CSMD1: variants seen among roughly 807,000 people sequenced by gnomAD.
CSMD1 encodes the protein CUB and sushi domain-containing protein 1.
Under a neutral mutation model 417.5 loss-of-function variants are expected in CSMD1, and 213 were observed. The ratio of observed to expected loss-of-function variants is 0.51; its 90% CI spans 0.46 to 0.57. The LOEUF (loss-of-function observed/expected upper bound fraction) is 0.57, where lower values mean the gene tolerates loss of function less well. Ranked by LOEUF, CSMD1 falls within the 20% of genes least tolerant of loss-of-function variation. CSMD1 has a pLI of 0.00. For missense variants in CSMD1, 6,923 were observed against 4,529.7 expected, an observed-to-expected ratio of 1.53 and a Z score of -15.17; for synonymous variants, 2,862 against 1,736.8, an observed-to-expected ratio of 1.65 and a Z score of -16.11.
At chr8:4,222,353 TTATTC>T (rs1801082326) in intron 3 of CSMD1, among the ~76,000 whole-genome samples, 1 of 28 alleles carries the variant, frequency 0.036, no homozygotes, top group East Asian at 0.5. Context: ...TGCCTCAGTC[TTATTC>T]TGTAAACAGA....
At chr8:3,947,816 T>G (rs944948016) in intron 5 of CSMD1, among the ~76,000 whole-genome samples, 4 of 152,174 alleles carry the variant, frequency 2.6e-5, no homozygotes, top group Non-Finnish European at 4.4e-5. Flanking sequence ...TTTCATATGG[T>G]TCAAGTAGGT....
chr8:2,939,613 C>T (rs1460011763), intron 69 of CSMD1, among the ~76,000 whole-genome samples: 1 of 152,124 alleles, frequency 6.6e-6, no homozygotes, highest in East Asian at 1.9e-4. Flanking sequence ...ATTTAATGTA[C>T]ATAAGCACGC....
Position 3,265,063 on chromosome 8 carries a change from A to C in CSMD1, c.4153+19081T>G, listed in dbSNP as rs188178507. ...GCATCTTTAGGGCACTTCAGAAGGCAATTCAACACAAATCTGTTGAATAGC... is the reference window on the plus strand; with the variant it reads ...GCATCTTTAGGGCACTTCAGAAGGCCATTCAACACAAATCTGTTGAATAGC... On this transcript the variant is annotated intron_variant, in intron 26 of 69. Transcript: ENST00000635120. 2.6e-3 allele frequency among the ~76,000 whole-genome samples: 395 copies of C among 152,344 alleles called. 1 individual carries two copies. Among genetic ancestry groups the C allele is most frequent in the African/African-American group, 8.5e-3 (355 of 41,588 alleles).
At chr8:3,029,283 G>A (rs377424176) in intron 51 of CSMD1, 36 bp downstream of exon 51, 6 of 1,546,832 alleles carry the variant, frequency 3.9e-6, no homozygotes, top group South Asian at 1.2e-5. Flanking sequence ...AATCTAGGAT[G>A]CCGTGACTTT....
intron 1 of CSMD1, among the ~76,000 whole-genome samples, chr8:4,722,102 A>G (rs989323915): frequency 6.6e-6 from 1 of 152,130 alleles, no homozygotes; most frequent in Non-Finnish European, 1.5e-5. Context: ...ATAGCATGAA[A>G]ACTATAGGTA....
intron 3 of CSMD1, among the ~76,000 whole-genome samples, chr8:4,238,864 A>G (rs1802222514): frequency 6.6e-6 from 1 of 152,168 alleles, no homozygotes; most frequent in Admixed American, 6.5e-5. Context: ...AATCGATAGC[A>G]AATGCAATTT....
intron 1 of CSMD1, among the ~76,000 whole-genome samples, chr8:4,934,010 A>T (rs1356233930): frequency 4.6e-5 from 7 of 151,864 alleles, no homozygotes; most frequent in African/African-American, 1.7e-4. Flanking sequence ...TTTTTTTTAA[A>T]AAAAAATGAA....
chr8:4,117,492 A>G (rs900647908), intron 3 of CSMD1, among the ~76,000 whole-genome samples: 2 of 152,224 alleles, frequency 1.3e-5, no homozygotes, highest in Non-Finnish European at 1.5e-5. Context: ...TCAATGTGCT[A>G]TAAATCATCT....
At position 3,628,487 on chromosome 8, in the gene CSMD1, G is replaced by C. The variant is rs76403416; in HGVS notation, c.1010-11690C>G. 2.8e-3 allele frequency among the ~76,000 whole-genome samples: 424 copies of C among 152,314 alleles called. 17 individuals are homozygous for C. The East Asian group carries it at 0.077, about 28-fold the overall frequency. On this transcript the variant is annotated intron_variant, in intron 7 of 69. Coordinates refer to ENST00000635120, the MANE Select transcript of CSMD1 (RefSeq NM_033225.6). The stretch of plus-strand genomic sequence containing the variant: ...AAAAAATCCTTAAGGATTACTTCTT[G>C]GAGAACTTTAGCTATGATGCACACA...
chr8:3,988,888 A>G (rs1283545756), intron 5 of CSMD1, among the ~76,000 whole-genome samples: 1 of 152,208 alleles, frequency 6.6e-6, no homozygotes, highest in Non-Finnish European at 1.5e-5. Context: ...ACAATTCATA[A>G]CCAAAGTAAG....
At chr8:4,141,473 C>A (rs1320051010) in intron 3 of CSMD1, among the ~76,000 whole-genome samples, 1 of 151,144 alleles carries the variant, frequency 6.6e-6, no homozygotes, top group Non-Finnish European at 1.5e-5. Context: ...CTTTTGTATA[C>A]AATATGCCAT....
intron 7 of CSMD1, among the ~76,000 whole-genome samples, chr8:3,643,700 CAAAAAAAAAAAA>C (rs66500235): frequency 1.2e-5 from 1 of 85,354 alleles, no homozygotes; most frequent in Non-Finnish European, 2.2e-5. Context: ...GACTCCGTCT[CAAAAAAAAAAAA>C]AAAAAAAAAA....
At chr8:4,934,059 C>T (rs1203995926) in intron 1 of CSMD1, among the ~76,000 whole-genome samples, 2 of 151,880 alleles carry the variant, frequency 1.3e-5, no homozygotes, top group Admixed American at 6.6e-5. Context: ...AGCATGAATG[C>T]AAAGAAGGTC....
chr8:4,447,183 C>T (rs952734184), intron 2 of CSMD1, among the ~76,000 whole-genome samples: 1 of 152,022 alleles, frequency 6.6e-6, no homozygotes, highest in Non-Finnish European at 1.5e-5. Flanking sequence ...ATGTTATTTC[C>T]CAATTATTAT....
At chr8:3,888,156 T>C (rs4875792) in intron 5 of CSMD1, among the ~76,000 whole-genome samples, 80,828 of 152,068 alleles carry the variant, frequency 0.53, 24,382 homozygotes, top group Admixed American at 0.67. Context: ...TTGTATGCAA[T>C]GTTCGTCATC....
At chr8:4,112,370 C>G (rs982299491) in intron 3 of CSMD1, among the ~76,000 whole-genome samples, 2 of 152,168 alleles carry the variant, frequency 1.3e-5, no homozygotes, top group African/African-American at 4.8e-5. Flanking sequence ...TCGCAGAGAA[C>G]CCATCCAGGA....
chr8:3,234,695 C>A (rs1799046590), intron 26 of CSMD1, among the ~76,000 whole-genome samples: 1 of 152,244 alleles, frequency 6.6e-6, no homozygotes, highest in East Asian at 1.9e-4. Flanking sequence ...TGTGAAGATG[C>A]AACACTTACA....
chr8:3,957,073 G>A (rs544140705), intron 5 of CSMD1, among the ~76,000 whole-genome samples: 2 of 152,076 alleles, frequency 1.3e-5, no homozygotes, highest in African/African-American at 2.4e-5. Context: ...AAAACGCCGG[G>A]GGAGGCTCTG....
At chr8:4,306,849 T>C (rs115419274) in intron 3 of CSMD1, among the ~76,000 whole-genome samples, 8,645 of 144,266 alleles carry the variant, frequency 0.06, 609 homozygotes, top group African/African-American at 0.17. Flanking sequence ...AAAAATCTAA[T>C]AATTTTTCAA....
Sources: allele counts gnomAD v4.1 joint callset (sites outside exome capture counted in the v4.1 genomes callset), GRCh38; gene constraint gnomAD v4.1.1; transcripts MANE v1.5; gene names NCBI Gene and HGNC (gene_info 2026-07-23, HGNC 2026-07-21).